Variants in RAI14 observed in about 807,000 individuals in gnomAD.
The protein encoded by RAI14 is retinoic acid induced 14.
In RAI14, 45 loss-of-function variants were observed where a neutral mutation model predicts 115.4. That is an observed-to-expected ratio of 0.39 (90% CI 0.31 to 0.50). RAI14 has a LOEUF of 0.50. Ranked by LOEUF, RAI14 falls within the 20% of genes least tolerant of loss-of-function variation. RAI14 has a pLI of 0.85. For missense variants in RAI14, 939 were observed against 1,131.2 expected (o/e 0.83, Z 2.44); for synonymous variants, 371 against 415.4 (o/e 0.89, Z 1.30).
At chr5:34,694,741 G>A (rs1418469683) in intron 2 of RAI14, among the ~76,000 whole-genome samples, 1 of 152,186 alleles carries the variant, frequency 6.6e-6, no homozygotes, top group African/African-American at 2.4e-5. Context: ...ACAAGAAAAA[G>A]TTTAAGGAAT....
chr5:34,775,902 G>T (rs543468255), intron 3 of RAI14, among the ~76,000 whole-genome samples: 96 of 152,256 alleles, frequency 6.3e-4, no homozygotes, highest in Non-Finnish European at 1.1e-3. Flanking sequence ...ATATGATACA[G>T]CAATCCCACT....
intron 1 of RAI14, among the ~76,000 whole-genome samples, chr5:34,681,856 C>CTTTCTTT (rs58823040): frequency 3.3e-4 from 40 of 122,102 alleles, no homozygotes; most frequent in African/African-American, 4.8e-4. Context: ...TTCTTTCTTT[C>CTTTCTTT]TTTTTTTTTT....
rs554944850 is a variant in RAI14, at chr5:34,775,862, G to C, written c.167+18264G>C. On this transcript the variant is annotated intron_variant, in intron 3 of 17. Transcript: ENST00000265109. ...AACCATTATGGAGAACGGTTTGGAG[G>C]TTCCTCAAAAAACTAAAAATAGAAT... 7.2e-5 allele frequency among the ~76,000 whole-genome samples: 11 copies of C among 152,202 alleles called. No individual in the cohort carries two copies. In the South Asian group the frequency reaches 2.3e-3, roughly 32 times the overall value.
chr5:34,801,210 G>A (rs1754217887), intron 4 of RAI14, among the ~76,000 whole-genome samples: 1 of 152,114 alleles, frequency 6.6e-6, no homozygotes, highest in African/African-American at 2.4e-5. Context: ...AGGGGACAGA[G>A]GGATTCCTGT....
chr5:34,715,996 C>G, intron 2 of RAI14: 1 of 376,518 alleles, frequency 2.7e-6, no homozygotes, highest in South Asian at 2.0e-5. Flanking sequence ...TATTTGTATG[C>G]AATATGTGGG....
intron 1 of RAI14, among the ~76,000 whole-genome samples, chr5:34,678,321 A>G (rs1744141350): frequency 6.6e-6 from 1 of 152,136 alleles, no homozygotes; most frequent in South Asian, 2.1e-4. Flanking sequence ...AGTTTGACAG[A>G]TGTTTGTTTT....
intron 2 of RAI14, among the ~76,000 whole-genome samples, chr5:34,690,851 G>A (rs1738502830): frequency 6.6e-6 from 1 of 152,138 alleles, no homozygotes; most frequent in African/African-American, 2.4e-5. Context: ...ATAGTAGATA[G>A]GATACAGGAG....
At chr5:34,758,048 AT>A (rs879876455) in intron 3 of RAI14, among the ~76,000 whole-genome samples, 161 of 152,354 alleles carry the variant, frequency 1.1e-3, no homozygotes, top group Admixed American at 2.0e-3. Flanking sequence ...CTTCCTTGCC[AT>A]AATTAAAGCT....
chr5:34,763,003 C>G (rs1748886162), intron 3 of RAI14, among the ~76,000 whole-genome samples: 1 of 150,804 alleles, frequency 6.6e-6, no homozygotes, highest in Admixed American at 6.6e-5. Context: ...TTATGTTGCC[C>G]ACTTTTCAGA....
At chr5:34,667,558 AT>A (rs142429173) in intron 1 of RAI14, among the ~76,000 whole-genome samples, 1 of 151,054 alleles carries the variant, frequency 6.6e-6, no homozygotes, top group Non-Finnish European at 1.5e-5. Context: ...TATTATTATT[AT>A]TTTTTTTGCA....
chr5:34,677,431 G>A (rs969353356), intron 1 of RAI14, among the ~76,000 whole-genome samples: 6 of 151,882 alleles, frequency 4.0e-5, no homozygotes, highest in Non-Finnish European at 5.9e-5. Context: ...GATTACAGGC[G>A]TGAGCCACCA....
chr5:34,811,554 G>A (rs1350114995), intron 8 of RAI14, among the ~76,000 whole-genome samples: 2 of 149,100 alleles, frequency 1.3e-5, no homozygotes, highest in African/African-American at 4.9e-5. Context: ...ACAAAATGTG[G>A]TTTAATGTTT....
chr5:34,823,207 A>G lies in RAI14; in HGVS notation c.1365A>G (p.Leu455=). 6.2e-7 allele frequency: 1 copy of G among 1,614,062 alleles called. No individual in the cohort carries two copies. Among genetic ancestry groups the G allele is most frequent in the Non-Finnish European group, 8.5e-7 (1 of 1,179,930 alleles). Reference sequence around the variant, plus strand: ...GCTCTGAAGCAGAGAGAAAACAGCTACAGGTCGAACTCCAATCCCGAAGGG... The same window carrying G: ...GCTCTGAAGCAGAGAGAAAACAGCTGCAGGTCGAACTCCAATCCCGAAGGG... ...LESSEAERKQ[L]QVELQSRRAE... is the part of the protein sequence containing the mutation. The change falls in exon 15 of 18, where the codon CTA becomes CTG. Residue 455 remains leucine (L), a synonymous_variant. Transcript: ENST00000265109. This position sits in a 1 kb window ranked among gnomAD's most constrained non-coding sequence, Gnocchi z 4.5.
At chr5:34,787,521 G>A (rs1752439053) in intron 3 of RAI14, among the ~76,000 whole-genome samples, 1 of 152,180 alleles carries the variant, frequency 6.6e-6, no homozygotes, top group Non-Finnish European at 1.5e-5. Context: ...TCTTTAAAAG[G>A]AAATGTCCAG....
chr5:34,662,508 G>T (rs1742769051), intron 1 of RAI14, among the ~76,000 whole-genome samples: 1 of 151,894 alleles, frequency 6.6e-6, no homozygotes, highest in Admixed American at 6.6e-5. Context: ...TTTTCCCAGT[G>T]AACTATATTA....
intron 2 of RAI14, among the ~76,000 whole-genome samples, chr5:34,734,225 C>A (rs951366031): frequency 1.3e-5 from 2 of 152,184 alleles, no homozygotes; most frequent in Non-Finnish European, 2.9e-5. Flanking sequence ...AGTTGGTGGG[C>A]AGGGGGTGGG....
intron 1 of RAI14, among the ~76,000 whole-genome samples, chr5:34,658,804 T>C (rs891242017): frequency 3.3e-5 from 5 of 151,780 alleles, no homozygotes; most frequent in African/African-American, 1.2e-4. Flanking sequence ...CTCAAATAAA[T>C]AAATAAATAA....
intron 3 of RAI14, among the ~76,000 whole-genome samples, chr5:34,765,870 A>G (rs1291808356): frequency 1.3e-5 from 2 of 152,180 alleles, no homozygotes; most frequent in Non-Finnish European, 2.9e-5. Context: ...GGCTGGGCCC[A>G]TGGTCCCTGT....
At chr5:34,719,171 C>T (rs948349278) in intron 2 of RAI14, among the ~76,000 whole-genome samples, 1 of 152,132 alleles carries the variant, frequency 6.6e-6, no homozygotes, top group Non-Finnish European at 1.5e-5. Flanking sequence ...TACCTGGTGG[C>T]TCATTCCCTC....
Sources: allele counts gnomAD v4.1 joint callset (sites outside exome capture counted in the v4.1 genomes callset), GRCh38; gene constraint gnomAD v4.1.1; non-coding constraint Gnocchi (gnomAD v3.1); transcripts MANE v1.5; gene names NCBI Gene and HGNC (gene_info 2026-07-23, HGNC 2026-07-21).